The following RERE variants were observed in gnomAD, a reference collection of about 807,000 sequenced individuals.
RERE encodes the protein arginine-glutamic acid dipeptide repeats, also known as arginine-glutamic acid dipeptide repeats protein.
RERE carries 40 observed loss-of-function variants against 146.1 expected under a neutral mutation model. The observed-to-expected ratio is 0.27, with a 90% CI of 0.21 to 0.36. The LOEUF (loss-of-function observed/expected upper bound fraction) is 0.36, where lower values mean the gene tolerates loss of function less well. Among genes scored for constraint, RERE ranks in the 10% least tolerant of loss-of-function variants. RERE has a pLI of 1.00. For synonymous variants in RERE, 1,003 were observed against 866.0 expected (o/e 1.16, Z -2.78); for missense variants, 1,933 against 2,138.7 (o/e 0.90, Z 1.90).
intron 4 of RERE, among the ~76,000 whole-genome samples, chr1:8,599,390 A>T (rs555617433): frequency 6.6e-6 from 1 of 152,360 alleles, no homozygotes; most frequent in Non-Finnish European, 1.5e-5. Context: ...AGGTCAATGT[A>T]CCACGCAAAT....
At chr1:8,443,443 C>T (rs1644276461) in intron 11 of RERE, among the ~76,000 whole-genome samples, 2 of 117,358 alleles carry the variant, frequency 1.7e-5, no homozygotes, top group South Asian at 5.9e-4. Flanking sequence ...ACAGGTGAGA[C>T]TCAGTCTCAA....
chr1:8,395,449 T>G (rs1316068563), intron 12 of RERE, among the ~76,000 whole-genome samples: 3 of 148,968 alleles, frequency 2.0e-5, no homozygotes, highest in African/African-American at 7.5e-5. Context: ...CACTCCAGCC[T>G]GAGCAACAGA....
At chr1:8,481,022 G>T (rs888524997) in intron 10 of RERE, among the ~76,000 whole-genome samples, 2 of 152,194 alleles carry the variant, frequency 1.3e-5, no homozygotes, top group African/African-American at 4.8e-5. Context: ...TCCCTGCTGA[G>T]CACCTAGGAA....
At chr1:8,635,856 GA>G (rs1395683893) in intron 2 of RERE, among the ~76,000 whole-genome samples, 1 of 151,926 alleles carries the variant, frequency 6.6e-6, no homozygotes, top group Non-Finnish European at 1.5e-5. Flanking sequence ...ATGCTAAGGC[GA>G]AAAAAACACT....
intron 7 of RERE, among the ~76,000 whole-genome samples, chr1:8,521,781 C>CT (rs1333653534): frequency 6.6e-6 from 1 of 152,134 alleles, no homozygotes; most frequent in Non-Finnish European, 1.5e-5. Context: ...CAAATCTAGC[C>CT]TTTCCTCTTA....
chr1:8,609,701 A>G (rs1242303323), intron 4 of RERE, among the ~76,000 whole-genome samples: 3 of 152,224 alleles, frequency 2.0e-5, no homozygotes, highest in Non-Finnish European at 4.4e-5. Context: ...AACGTAATAC[A>G]ATCAGCATTT....
intron 12 of RERE, among the ~76,000 whole-genome samples, chr1:8,385,957 A>G (rs1474371797): frequency 9.7e-5 from 11 of 113,464 alleles, no homozygotes; most frequent in Non-Finnish European, 1.4e-4. Flanking sequence ...TGACACAGCA[A>G]GACTCCGTCT....
chr1:8,664,023 T>A lies in RERE; in HGVS notation c.-144-7582A>T, dbSNP rs947998273. 2.0e-5 allele frequency among the ~76,000 whole-genome samples: 3 copies of A among 152,158 alleles called. No individual in the cohort carries two copies. In the South Asian group the frequency reaches 6.2e-4, roughly 32 times the overall value. Reference sequence around the variant, plus strand: ...AATCCTGCCTGTAAAATGGCCCTCATTGATCCCACTAGTGTTATCAGTTGT... The same window carrying A: ...AATCCTGCCTGTAAAATGGCCCTCAATGATCCCACTAGTGTTATCAGTTGT... On this transcript the variant is annotated intron_variant, in intron 1 of 22. Transcript: ENST00000400908.
At chr1:8,759,137 C>T (rs921577438) in intron 1 of RERE, among the ~76,000 whole-genome samples, 23 of 152,080 alleles carry the variant, frequency 1.5e-4, no homozygotes, top group Non-Finnish European at 2.9e-5. Context: ...TAAAAAGATA[C>T]TGTGATTGTC....
chr1:8,585,593 T>C (rs1314398001), intron 4 of RERE, among the ~76,000 whole-genome samples: 2 of 152,182 alleles, frequency 1.3e-5, no homozygotes, highest in Non-Finnish European at 2.9e-5. Context: ...TATCAAAGAT[T>C]CCCAGGATCA....
intron 1 of RERE, among the ~76,000 whole-genome samples, chr1:8,676,229 T>A (rs1214749330): frequency 6.6e-6 from 1 of 152,170 alleles, no homozygotes; most frequent in Non-Finnish European, 1.5e-5. Context: ...AACACAAATC[T>A]TACAATTTAA....
intron 1 of RERE, among the ~76,000 whole-genome samples, chr1:8,719,446 A>G (rs1014552048): frequency 1.3e-5 from 2 of 152,228 alleles, no homozygotes; most frequent in Non-Finnish European, 2.9e-5. Context: ...AGGGTGTATT[A>G]GAAACAAAGG....
intron 19 of RERE, among the ~76,000 whole-genome samples, 176 bp from the exon 20 acceptor site, chr1:8,359,092 C>A (rs534238471): frequency 1.3e-5 from 2 of 152,168 alleles, no homozygotes; most frequent in South Asian, 4.1e-4. Context: ...CCAGGCCCCA[C>A]AGGGTCGGGC....
intron 1 of RERE, among the ~76,000 whole-genome samples, chr1:8,797,536 A>T (rs1387874724): frequency 6.6e-6 from 1 of 152,188 alleles, no homozygotes; most frequent in Non-Finnish European, 1.5e-5. Flanking sequence ...GACTAACTAG[A>T]AAGCAGTTGA....
At chr1:8,559,444 T>A (rs1646052181) in intron 4 of RERE, among the ~76,000 whole-genome samples, 2 of 152,006 alleles carry the variant, frequency 1.3e-5, no homozygotes, top group African/African-American at 4.8e-5. Context: ...CATAGAATAA[T>A]CCTACATGAT....
rs756826589 is a variant in RERE at position 8,359,981 on chromosome 1, T to G, written c.3401A>C (p.Tyr1134Ser). 2.5e-6 allele frequency: 4 copies of G among 1,612,502 alleles called. No individual in the cohort carries two copies. The highest frequency in any genetic ancestry group is 1.1e-5 in the South Asian group (1 of 91,078). The change falls in exon 19 of 23, where the codon TAC becomes TCC. Residue 1134 changes from tyrosine (Y) to serine (S), a missense_variant. Transcript: ENST00000400908. ...PSHASQSARF[Y>S]KHLDRGYNSC... ...GTTGTAGCCCCGGTCCAGGTGTTTG[T>G]AGAACCTGAGAAAAGCCACAGATCT...
chr1:8,777,584 G>A (rs1641089090), intron 1 of RERE, among the ~76,000 whole-genome samples: 1 of 148,506 alleles, frequency 6.7e-6, no homozygotes. Context: ...GCCCAGGCTG[G>A]AGTGCAGTGG....
At chr1:8,736,941 G>A (rs1640213942) in intron 1 of RERE, among the ~76,000 whole-genome samples, 1 of 151,428 alleles carries the variant, frequency 6.6e-6, no homozygotes, top group Non-Finnish European at 1.5e-5. Context: ...ATAATTCCCA[G>A]GAGTCCTAGC....
chr1:8,466,077 C>T, intron 10 of RERE, 54 bp from the exon 11 acceptor site: 1 of 1,450,726 alleles, frequency 6.9e-7, no homozygotes, highest in Non-Finnish European at 9.5e-7. Context: ...AGACAGGACA[C>T]AATCGATCCA....
Sources: allele counts gnomAD v4.1 joint callset (sites outside exome capture counted in the v4.1 genomes callset), GRCh38; gene constraint gnomAD v4.1.1; transcripts MANE v1.5; gene names NCBI Gene and HGNC (gene_info 2026-07-23, HGNC 2026-07-21).